The following MAGI2 variants were observed in gnomAD, a reference collection of about 807,000 sequenced individuals.
The protein encoded by MAGI2 is membrane-associated guanylate kinase, WW and PDZ domain-containing protein 2.
In MAGI2, 35 loss-of-function variants were observed where a neutral mutation model predicts 133.3. The ratio of observed to expected loss-of-function variants is 0.26; its 90% confidence interval spans 0.20 to 0.35. The LOEUF is 0.35. MAGI2 is among the 10% of genes least tolerant of loss of function. The probability of loss-of-function intolerance (pLI) is 1.00; values close to 1 mark genes in which losing one functional copy is unlikely to be tolerated. For missense variants in MAGI2, 1,636 were observed against 1,863.4 expected, an observed-to-expected ratio of 0.88 and a Z score of 2.25; for synonymous variants, 729 against 710.6, an observed-to-expected ratio of 1.03 and a Z score of -0.41.
At chr7:79,412,482 T>C (rs1052271632) in intron 1 of MAGI2, 1 of 152,118 alleles carries the variant, frequency 6.6e-6, no homozygotes, top group East Asian at 1.9e-4. Flanking sequence ...GTGTCGTGGC[T>C]AAGCTCCCAC....
intron 6 of MAGI2, among the ~76,000 whole-genome samples, chr7:78,371,713 C>T (rs1174816862): frequency 6.6e-6 from 1 of 151,984 alleles, no homozygotes; most frequent in African/African-American, 2.4e-5. Context: ...TCATGCAGTC[C>T]TCATCAGAAT....
At chr7:78,976,006 A>AC (rs947814549) in intron 2 of MAGI2, among the ~76,000 whole-genome samples, 1 of 151,732 alleles carries the variant, frequency 6.6e-6, no homozygotes, top group African/African-American at 2.4e-5. Flanking sequence ...TATTTATCAA[A>AC]AAAGTTAATC....
chr7:78,266,818 C>G (rs1304167773), intron 9 of MAGI2, among the ~76,000 whole-genome samples: 1 of 152,130 alleles, frequency 6.6e-6, no homozygotes, highest in Non-Finnish European at 1.5e-5. Context: ...GTGATCCGCC[C>G]ACCTTGGCCT....
chr7:78,424,517 C>T (rs1799104405), intron 6 of MAGI2, among the ~76,000 whole-genome samples: 1 of 152,100 alleles, frequency 6.6e-6, no homozygotes, highest in Non-Finnish European at 1.5e-5. Flanking sequence ...GGTCACCATC[C>T]TCCAGACCCC....
intron 9 of MAGI2, among the ~76,000 whole-genome samples, chr7:78,275,095 T>C (rs935276886): frequency 6.6e-6 from 1 of 152,184 alleles, no homozygotes; most frequent in Non-Finnish European, 1.5e-5. Flanking sequence ...AGAGGGAATC[T>C]CCTGGTCTGC....
intron 21 of MAGI2, among the ~76,000 whole-genome samples, chr7:78,036,450 C>G (rs139099417): frequency 6.6e-6 from 1 of 152,058 alleles, no homozygotes; most frequent in Non-Finnish European, 1.5e-5. Context: ...ATTCACTAGG[C>G]GCTTTCTCTT....
chr7:79,449,989 G>A (rs969192694), intron 1 of MAGI2, among the ~76,000 whole-genome samples: 1 of 150,098 alleles, frequency 6.7e-6, no homozygotes, highest in African/African-American at 2.4e-5. Context: ...GTAAAATTAG[G>A]CAAACAAGTA....
intron 13 of MAGI2, among the ~76,000 whole-genome samples, chr7:78,180,862 T>G (rs1827120468): frequency 6.6e-6 from 1 of 151,954 alleles, no homozygotes; most frequent in East Asian, 1.9e-4. Flanking sequence ...TCTGGACTAT[T>G]TTACAGAAAT....
At chr7:78,707,722 C>T (rs554497000) in intron 2 of MAGI2, among the ~76,000 whole-genome samples, 64 of 152,062 alleles carry the variant, frequency 4.2e-4, no homozygotes, top group South Asian at 8.3e-4. Flanking sequence ...CCATCTGGTC[C>T]CTAATATCTT....
intron 10 of MAGI2, among the ~76,000 whole-genome samples, chr7:78,203,596 G>C (rs995264861): frequency 6.6e-6 from 1 of 152,188 alleles, no homozygotes; most frequent in African/African-American, 2.4e-5. Flanking sequence ...TTCTAATGCT[G>C]AGTTGTGCTG....
intron 4 of MAGI2, among the ~76,000 whole-genome samples, chr7:78,515,103 G>A (rs1392809829): frequency 2.6e-5 from 4 of 152,156 alleles, no homozygotes; most frequent in Non-Finnish European, 5.9e-5. Context: ...GTGAGGGGAA[G>A]CTACAAGATA....
chr7:79,047,871 G>T (rs536819112), intron 1 of MAGI2, among the ~76,000 whole-genome samples: 1 of 152,196 alleles, frequency 6.6e-6, no homozygotes, highest in Admixed American at 6.5e-5. Context: ...CTCTTATAGT[G>T]AGTAGGGATG....
intron 2 of MAGI2, among the ~76,000 whole-genome samples, chr7:78,738,100 T>G (rs971367903): frequency 3.3e-5 from 5 of 152,044 alleles, no homozygotes; most frequent in African/African-American, 7.2e-5. Flanking sequence ...GTAAATTAAT[T>G]TCAGACTTTC....
intron 6 of MAGI2, among the ~76,000 whole-genome samples, chr7:78,376,608 T>C (rs1168652961): frequency 6.6e-6 from 1 of 152,178 alleles, no homozygotes; most frequent in Non-Finnish European, 1.5e-5. Flanking sequence ...TTCATTAATA[T>C]ATCTTACCAA....
chr7:78,980,649 T>C (rs528901176), intron 2 of MAGI2, among the ~76,000 whole-genome samples: 54 of 152,078 alleles, frequency 3.6e-4, no homozygotes, highest in Non-Finnish European at 6.8e-4. Flanking sequence ...TTACTGTTGT[T>C]TTACAGTTAG....
Position 79,218,866 on chromosome 7 carries a change from G to A in MAGI2, c.302-211660C>T, listed in dbSNP as rs577258356. On this transcript the variant is annotated intron_variant, in intron 1 of 21. Coordinates refer to ENST00000354212, the MANE Select transcript of MAGI2 (RefSeq NM_012301.4). Reference sequence around the variant, plus strand: ...TACAGCATGTGAGGCCTTCGCCTATGCTATTGCATTGAAAACATGTAATGT... The same window carrying A: ...TACAGCATGTGAGGCCTTCGCCTATACTATTGCATTGAAAACATGTAATGT... Among the ~76,000 whole-genome samples, 119 of 152,200 alleles carry A rather than the reference G, an allele frequency of 7.8e-4. 2 individuals are homozygous for A. Among genetic ancestry groups the A allele is most frequent in the South Asian group, 3.7e-3 (18 of 4,832 alleles).
chr7:79,353,514 A>C, intron 1 of MAGI2: 7 of 455,292 alleles, frequency 1.5e-5, no homozygotes, highest in South Asian at 7.8e-5. Context: ...GCTGCTTTGG[A>C]ATCATCTCCT....
intron 1 of MAGI2, among the ~76,000 whole-genome samples, chr7:79,297,709 G>A (rs992155308): frequency 1.3e-5 from 2 of 152,282 alleles, no homozygotes; most frequent in African/African-American, 2.4e-5. Context: ...ATTATTGATA[G>A]AGAATAACTG....
At chr7:78,852,663 A>G (rs1793243951) in intron 2 of MAGI2, among the ~76,000 whole-genome samples, 1 of 152,130 alleles carries the variant, frequency 6.6e-6, no homozygotes, top group Non-Finnish European at 1.5e-5. Context: ...CCTCTATTTT[A>G]AAATATGACA....
Sources: gnomAD v4.1 joint callset for allele counts (sites outside exome capture counted in the v4.1 genomes callset) on GRCh38, gnomAD v4.1.1 for gene constraint, MANE v1.5 for transcripts, NCBI Gene and HGNC (gene_info 2026-07-23, HGNC 2026-07-21) for gene names.